PCDH11X: variants seen among roughly 807,000 people sequenced by gnomAD.
The protein encoded by PCDH11X is protocadherin 11 X-linked, also known as protocadherin-11 X-linked.
In PCDH11X, 18 loss-of-function variants were observed where a neutral mutation model predicts 53.3. The ratio of observed to expected loss-of-function variants is 0.34; its 90% confidence interval spans 0.23 to 0.50. The LOEUF is 0.50. Among genes scored for constraint, PCDH11X ranks in the 20% least tolerant of loss-of-function variants. PCDH11X has a pLI of 0.98. For missense variants in PCDH11X, 570 were observed against 1,032.4 expected, an observed-to-expected ratio of 0.55 and a Z score of 6.14; for synonymous variants, 279 against 393.3, an observed-to-expected ratio of 0.71 and a Z score of 3.44.
Position 91,783,280 on chromosome X carries a change from T to C in PCDH11X, c.-379+3596T>C, listed in dbSNP as rs1304622702. On this transcript the variant is annotated intron_variant, in intron 1 of 10. Coordinates refer to ENST00000682573, the MANE Select transcript of PCDH11X (RefSeq NM_032968.5). ...CCAAGCATAAAACACACTCATTTTCTAGAGCTCAGTCATTTGCTAAGGGTT... is the reference window on the plus strand; with the variant it reads ...CCAAGCATAAAACACACTCATTTTCCAGAGCTCAGTCATTTGCTAAGGGTT... Among the ~76,000 whole-genome samples the C allele has an allele frequency of 3.6e-5, 4 of 111,159 alleles. No homozygotes were observed. In the South Asian group the frequency reaches 1.5e-3, roughly 43 times the overall value.
chrX:92,618,419 C>G lies in PCDH11X; in HGVS notation c.3523C>G (p.Pro1175Ala), dbSNP rs1928231160. ...QAQASALCHS[P>A]PLSQASTQHH... ...ACAGGCCTCTGCTCTATGCCACAGC[C>G]CACCACTGTCACAGGCCTCTACTCA... Residue 1175 changes from proline (P) to alanine (A), a missense_variant, in exon 11 of 11, where the codon CCA (proline) becomes GCA (alanine). By Grantham distance (27) the Pro-to-Ala change is conservative (BLOSUM62 -1). Transcript: ENST00000682573. The G allele has an allele frequency of 8.3e-7, 1 of 1,209,593 alleles. No homozygotes were observed. Among genetic ancestry groups the G allele is most frequent in the Non-Finnish European group, 1.1e-6 (1 of 895,105 alleles).
rs911168446 is a variant in PCDH11X, at chrX:92,114,242, C to T, written c.3034-87133C>T. The T allele has an allele frequency of 7.8e-5, 76 of 974,737 alleles. No individual in the cohort carries two copies. In the Middle Eastern group the frequency reaches 1.1e-3, roughly 15 times the overall value. The allele number at this position is 974,737 out of a possible 1,213,427, so 80.3% of individuals were successfully genotyped here. On this transcript the variant is annotated intron_variant, in intron 6 of 10. Transcript: ENST00000682573. ...TTCCCAGTCCCAGATCAGGCTTGAG[C>T]GATTACATTATAACCCCTGATACAA...
At chrX:91,949,637 T>C (rs1013741280) in intron 6 of PCDH11X, among the ~76,000 whole-genome samples, 3 of 110,615 alleles carry the variant, frequency 2.7e-5, no homozygotes, top group Non-Finnish European at 5.7e-5. Flanking sequence ...AGCGCTGTTT[T>C]CTCTGCTGTA....
chrX:91,916,935 C>G (rs970577170), intron 6 of PCDH11X, among the ~76,000 whole-genome samples: 1 of 110,883 alleles, frequency 9.0e-6, no homozygotes, highest in African/African-American at 3.3e-5. Flanking sequence ...CTAACTGATT[C>G]CAACAGCATA....
At chrX:92,075,200 G>A (rs1173524903) in intron 6 of PCDH11X, among the ~76,000 whole-genome samples, 6 of 109,391 alleles carry the variant, frequency 5.5e-5, no homozygotes, top group Non-Finnish European at 9.5e-5. Context: ...ATCTCACGAG[G>A]CCTCTATTGG....
At chrX:91,809,344 G>A (rs1397072106) in intron 1 of PCDH11X, among the ~76,000 whole-genome samples, 122 bp from the exon 2 acceptor site, 16 of 110,094 alleles carry the variant, frequency 1.5e-4, no homozygotes, top group Non-Finnish European at 2.7e-4. Context: ...CACATTCTTC[G>A]GTACTATCAT....
intron 10 of PCDH11X, chrX:92,569,650 G>T: frequency 6.4e-6 from 1 of 155,155 alleles, no homozygotes; most frequent in Non-Finnish European, 1.3e-5. Flanking sequence ...TTGATATTTT[G>T]ATTTTTAATG....
At chrX:92,064,063 C>T (rs1412629458) in intron 6 of PCDH11X, among the ~76,000 whole-genome samples, 1 of 104,738 alleles carries the variant, frequency 9.5e-6, no homozygotes, top group African/African-American at 3.5e-5. Context: ...GCAGGGTGCA[C>T]GTGTATTTGC....
intron 7 of PCDH11X, among the ~76,000 whole-genome samples, chrX:92,250,262 G>C (rs1294110900): frequency 9.0e-6 from 1 of 110,661 alleles, no homozygotes; most frequent in African/African-American, 3.3e-5. Context: ...AGTTAGTTTT[G>C]AACTATAAAG....
chrX:92,378,472 C>T (rs2070800515), intron 8 of PCDH11X, among the ~76,000 whole-genome samples: 1 of 110,059 alleles, frequency 9.1e-6, no homozygotes, highest in Admixed American at 9.7e-5. Context: ...AAAACTTAAT[C>T]AGCATTCCCA....
At chrX:92,484,039 G>A (rs2148676149) in intron 10 of PCDH11X, among the ~76,000 whole-genome samples, 2 of 105,313 alleles carry the variant, frequency 1.9e-5, no homozygotes, top group African/African-American at 6.9e-5. Flanking sequence ...TGAAAATGTG[G>A]AACCAGCCCA....
At chrX:92,574,713 T>C (rs764762739) in intron 10 of PCDH11X, among the ~76,000 whole-genome samples, 217 of 111,482 alleles carry the variant, frequency 1.9e-3, no homozygotes, top group African/African-American at 6.9e-3. Flanking sequence ...GTGATTAGAC[T>C]TACTAATTAC....
At chrX:91,821,740 C>A (rs1308896404) in intron 4 of PCDH11X, among the ~76,000 whole-genome samples, 9 of 103,491 alleles carry the variant, frequency 8.7e-5, no homozygotes, top group African/African-American at 3.7e-4. Flanking sequence ...GAGGGCATCC[C>A]TGTCTTGTGC....
At chrX:92,395,805 T>A (rs749571841) in intron 9 of PCDH11X, among the ~76,000 whole-genome samples, 1 of 110,326 alleles carries the variant, frequency 9.1e-6, no homozygotes, top group South Asian at 3.8e-4. Flanking sequence ...GAGTCACTAA[T>A]GTTGGTAAGC....
At chrX:92,076,733 C>A (rs1156707220) in intron 6 of PCDH11X, among the ~76,000 whole-genome samples, 1 of 111,932 alleles carries the variant, frequency 8.9e-6, no homozygotes, top group Non-Finnish European at 1.9e-5. Flanking sequence ...ACAGTTAACA[C>A]AATATTCTGA....
intron 8 of PCDH11X, among the ~76,000 whole-genome samples, chrX:92,316,890 G>C (rs1283631489): frequency 9.1e-6 from 1 of 110,129 alleles, no homozygotes; most frequent in Non-Finnish European, 1.9e-5. Flanking sequence ...AGTCATTAAA[G>C]AACCAATGCA....
intron 4 of PCDH11X, among the ~76,000 whole-genome samples, chrX:91,816,315 G>C (rs1936450890): frequency 9.0e-6 from 1 of 110,665 alleles, no homozygotes; most frequent in Non-Finnish European, 1.9e-5. Flanking sequence ...ATGGAGAAGG[G>C]CTGACTCATA....
intron 1 of PCDH11X, among the ~76,000 whole-genome samples, chrX:91,808,431 G>T (rs916613657): frequency 6.4e-5 from 7 of 108,950 alleles, no homozygotes; most frequent in Admixed American, 2.0e-4. Flanking sequence ...GGAGACGGAG[G>T]TTGCAGTGAG....
chrX:92,225,783 G>A (rs1377848221), intron 7 of PCDH11X, among the ~76,000 whole-genome samples: 3 of 111,821 alleles, frequency 2.7e-5, no homozygotes, highest in Non-Finnish European at 5.6e-5. Context: ...TTAGAAACCA[G>A]ATCTCCTGGT....
Sources: allele counts gnomAD v4.1 joint callset (sites outside exome capture counted in the v4.1 genomes callset), GRCh38; gene constraint gnomAD v4.1.1; transcripts MANE v1.5; gene names NCBI Gene and HGNC (gene_info 2026-07-23, HGNC 2026-07-21).